CMSS1: variants seen among roughly 807,000 people sequenced by gnomAD.
CMSS1 encodes cms1 ribosomal small subunit homolog.
Under a neutral mutation model 43.5 loss-of-function variants are expected in CMSS1, and 33 were observed. The ratio of observed to expected loss-of-function variants is 0.76; its 90% CI spans 0.57 to 1.01. The LOEUF is 1.01. Among genes scored for constraint, CMSS1 ranks in the 50% least tolerant of loss-of-function variants. The pLI is 0.00. For synonymous variants in CMSS1, 115 were observed against 117.2 expected, an observed-to-expected ratio of 0.98 and a Z score of 0.12; for missense variants, 313 against 326.4, an observed-to-expected ratio of 0.96 and a Z score of 0.32.
At chr3:99,882,095 G>A (rs898869172) in intron 1 of CMSS1, among the ~76,000 whole-genome samples, 4 of 152,092 alleles carry the variant, frequency 2.6e-5, no homozygotes, top group African/African-American at 9.7e-5. Flanking sequence ...CAATTCCTGA[G>A]CATAAATTTT....
chr3:99,990,379 G>A (rs1709476964), intron 1 of CMSS1, among the ~76,000 whole-genome samples: 1 of 152,214 alleles, frequency 6.6e-6, no homozygotes, highest in Non-Finnish European at 1.5e-5. Flanking sequence ...TCTATTCACA[G>A]CTTACATTGA....
rs2067148006 is a variant in CMSS1, at chr3:100,176,319, TC to T, written c.668-7del. The T allele has an allele frequency of 6.3e-7, 1 of 1,593,834 alleles. No individual in the cohort carries two copies. Among genetic ancestry groups the T allele is most frequent in the East Asian group, 2.2e-5 (1 of 44,778 alleles). The stretch of plus-strand genomic sequence containing the variant: ...TTACTACAGCAACTCTCTTCCTGTC[TC>T]TTTCAGGTGGCCTTAATTTGAGCCC... On this transcript the variant is annotated splice_region_variant and splice_polypyrimidine_tract_variant and intron_variant, in intron 8 of 9. Transcript: ENST00000421999.
intron 1 of CMSS1, among the ~76,000 whole-genome samples, chr3:100,022,485 T>C (rs1452826277): frequency 6.6e-6 from 1 of 152,238 alleles, no homozygotes; most frequent in Non-Finnish European, 1.5e-5. Flanking sequence ...GAAACAGCAT[T>C]GAGCATGATT....
At chr3:99,924,439 C>G (rs760697151) in intron 1 of CMSS1, 1 of 1,592,084 alleles carries the variant, frequency 6.3e-7, no homozygotes, top group Non-Finnish European at 8.6e-7. Flanking sequence ...AGCCTGTTAC[C>G]AAATTGTTTA....
At chr3:100,010,225 T>C (rs1253624778) in intron 1 of CMSS1, 9 of 642,808 alleles carry the variant, frequency 1.4e-5, no homozygotes, top group Non-Finnish European at 1.7e-5. Flanking sequence ...CTGTCATTTT[T>C]GTGATTTCTC....
chr3:99,897,318 G>A (rs1481154967), intron 1 of CMSS1, among the ~76,000 whole-genome samples: 3 of 151,910 alleles, frequency 2.0e-5, no homozygotes, highest in African/African-American at 7.2e-5. Flanking sequence ...GCAGGGAGCC[G>A]AGATTGCACC....
At chr3:99,828,411 A>ATTTTT (rs3037708) in intron 1 of CMSS1, among the ~76,000 whole-genome samples, 255 of 139,526 alleles carry the variant, frequency 1.8e-3, no homozygotes, top group Non-Finnish European at 2.3e-3. Flanking sequence ...ACATACGTGT[A>ATTTTT]TTTTTTTTTT....
intron 1 of CMSS1, among the ~76,000 whole-genome samples, chr3:99,954,884 G>A (rs369633601): frequency 6.6e-6 from 1 of 152,034 alleles, no homozygotes; most frequent in Non-Finnish European, 1.5e-5. Flanking sequence ...AGGGTAAAAT[G>A]AAATAATTGA....
intron 1 of CMSS1, among the ~76,000 whole-genome samples, chr3:100,006,453 T>A (rs1293907755): frequency 6.6e-6 from 1 of 152,112 alleles, no homozygotes; most frequent in Non-Finnish European, 1.5e-5. Flanking sequence ...TTGGTTCCTA[T>A]CTTTCAGTGC....
chr3:99,906,919 A>G (rs1450696261), intron 1 of CMSS1, among the ~76,000 whole-genome samples: 6 of 152,230 alleles, frequency 3.9e-5, no homozygotes, highest in African/African-American at 1.4e-4. Context: ...AGTATTGATC[A>G]TGTGGATGAA....
intron 1 of CMSS1, among the ~76,000 whole-genome samples, chr3:100,049,609 C>T (rs1490356344): frequency 6.6e-6 from 1 of 152,186 alleles, no homozygotes; most frequent in Non-Finnish European, 1.5e-5. Context: ...GACCCTTGAA[C>T]AACATGGTTT....
chr3:99,972,665 G>A (rs1168634190), intron 1 of CMSS1, among the ~76,000 whole-genome samples: 1 of 152,158 alleles, frequency 6.6e-6, no homozygotes, highest in African/African-American at 2.4e-5. Context: ...ACCCTGTTGG[G>A]AAAGATTGAA....
intron 1 of CMSS1, among the ~76,000 whole-genome samples, chr3:99,907,700 T>C (rs76685380): frequency 6.6e-6 from 1 of 152,178 alleles, no homozygotes; most frequent in Non-Finnish European, 1.5e-5. Flanking sequence ...CCCCTTCCCT[T>C]ATGCTATTAA....
At chr3:99,891,402 C>A (rs1471838414) in intron 1 of CMSS1, among the ~76,000 whole-genome samples, 1 of 152,146 alleles carries the variant, frequency 6.6e-6, no homozygotes, top group African/African-American at 2.4e-5. Context: ...ACAAAACATT[C>A]TCAAAGCAAA....
chr3:100,022,444 C>T (rs2064843375), intron 1 of CMSS1, among the ~76,000 whole-genome samples: 3 of 152,222 alleles, frequency 2.0e-5, no homozygotes, highest in South Asian at 2.1e-4. Flanking sequence ...TTGGAAAGGC[C>T]TGCAGTTCAA....
chr3:99,880,570 G>A (rs1705691649), intron 1 of CMSS1, among the ~76,000 whole-genome samples: 1 of 152,114 alleles, frequency 6.6e-6, no homozygotes, highest in African/African-American at 2.4e-5. Context: ...AGTGATTACA[G>A]TAGTAGTGTC....
chr3:99,996,322 C>A (rs930385595), intron 1 of CMSS1, among the ~76,000 whole-genome samples: 5 of 152,180 alleles, frequency 3.3e-5, no homozygotes, highest in African/African-American at 1.2e-4. Flanking sequence ...TTCCTCATTT[C>A]CATCTGAGAC....
At chr3:99,985,609 GAT>G (rs1709315980) in intron 1 of CMSS1, among the ~76,000 whole-genome samples, 1 of 148,658 alleles carries the variant, frequency 6.7e-6, no homozygotes, top group Non-Finnish European at 1.5e-5. Context: ...TTTTTTTTGA[GAT>G]AGAGTCTCGC....
chr3:100,105,164 A>C (rs1285619437), intron 1 of CMSS1, among the ~76,000 whole-genome samples: 3 of 152,164 alleles, frequency 2.0e-5, no homozygotes. Context: ...ACAAACATTT[A>C]TGCCTGTAAA....
Sources: allele counts gnomAD v4.1 joint callset (sites outside exome capture counted in the v4.1 genomes callset), GRCh38; gene constraint gnomAD v4.1.1; transcripts MANE v1.5; gene names NCBI Gene and HGNC (gene_info 2026-07-23, HGNC 2026-07-21).